The following MANBA variants were observed in gnomAD, a reference collection of about 807,000 sequenced individuals.
MANBA encodes mannosidase beta.
In MANBA, 83 loss-of-function variants were observed where a neutral mutation model predicts 111.1. That is an observed-to-expected ratio of 0.75 (90% confidence interval 0.63 to 0.90). The LOEUF (loss-of-function observed/expected upper bound fraction) is 0.90, where lower values mean the gene tolerates loss of function less well. Among genes scored for constraint, MANBA ranks in the 40% least tolerant of loss-of-function variants. The pLI is 0.00. For synonymous variants in MANBA, 370 were observed against 378.7 expected (o/e 0.98, Z 0.27); for missense variants, 1,036 against 1,069.0 (o/e 0.97, Z 0.43).
chr4:102,653,811 G>A (rs1003353032), intron 12 of MANBA, among the ~76,000 whole-genome samples: 4 of 152,260 alleles, frequency 2.6e-5, no homozygotes, highest in African/African-American at 7.2e-5. Context: ...TAAGGAAAAG[G>A]TTTAGCAATT....
intron 1 of MANBA, chr4:102,727,419 G>A: frequency 9.2e-7 from 1 of 1,091,168 alleles, no homozygotes; most frequent in Non-Finnish European, 1.4e-6. Context: ...TCCTGGAGAT[G>A]AGCTTGGTAT....
At chr4:102,758,735 G>A (rs1345185285) in intron 1 of MANBA, among the ~76,000 whole-genome samples, 3 of 151,830 alleles carry the variant, frequency 2.0e-5, no homozygotes, top group Non-Finnish European at 2.9e-5. Context: ...TAGAGACAGG[G>A]TCTCGCCAGT....
intron 2 of MANBA, among the ~76,000 whole-genome samples, chr4:102,725,038 G>C (rs1722740579): frequency 6.6e-6 from 1 of 152,128 alleles, no homozygotes; most frequent in Non-Finnish European, 1.5e-5. Context: ...AATCCAGAGG[G>C]ACAGAAAGTA....
intron 10 of MANBA, 124 bp downstream of exon 10, chr4:102,668,839 C>T: frequency 1.3e-6 from 1 of 758,976 alleles, no homozygotes; most frequent in East Asian, 2.8e-5. Context: ...TGTCAATTAC[C>T]TGGCTGTGTA....
chr4:102,691,792 G>A (rs1367133240), intron 5 of MANBA, among the ~76,000 whole-genome samples: 2 of 152,150 alleles, frequency 1.3e-5, no homozygotes, highest in Non-Finnish European at 2.9e-5. Context: ...ATAGGCATGA[G>A]CCACCATGCC....
At chr4:102,717,424 C>CT (rs1239871326) in intron 4 of MANBA, among the ~76,000 whole-genome samples, 3,391 of 134,432 alleles carry the variant, frequency 0.025, 126 homozygotes, top group African/African-American at 0.074. Context: ...CAGGCAGGAA[C>CT]TTTTTTTTTT....
intron 5 of MANBA, among the ~76,000 whole-genome samples, chr4:102,714,226 C>T (rs1303754718): frequency 1.3e-5 from 2 of 152,142 alleles, no homozygotes; most frequent in Non-Finnish European, 2.9e-5. Flanking sequence ...GTAAAATATG[C>T]TAAAAGATAC....
chr4:102,679,466 A>G (rs1399111180), intron 7 of MANBA: 3 of 152,176 alleles, frequency 2.0e-5, no homozygotes, highest in African/African-American at 7.2e-5. Context: ...AAGTAAAACA[A>G]ATATTAGCGT....
At chr4:102,752,824 A>G (rs1723861356) in intron 1 of MANBA, among the ~76,000 whole-genome samples, 1 of 152,230 alleles carries the variant, frequency 6.6e-6, no homozygotes, top group South Asian at 2.1e-4. Flanking sequence ...GTTTGTGTTT[A>G]TAAAATAAAA....
intron 4 of MANBA, among the ~76,000 whole-genome samples, chr4:102,718,558 A>C (rs971011543): frequency 6.6e-6 from 1 of 152,244 alleles, no homozygotes; most frequent in Non-Finnish European, 1.5e-5. Context: ...GGCATCAAAC[A>C]CTGGTAAGAG....
intron 12 of MANBA, chr4:102,650,966 T>C (rs1413313088): frequency 7.6e-6 from 3 of 396,106 alleles, no homozygotes; most frequent in Non-Finnish European, 1.4e-5. Flanking sequence ...GATGTTTCTC[T>C]TAAGACTCTT....
intron 13 of MANBA, among the ~76,000 whole-genome samples, chr4:102,646,079 G>A (rs1278715268): frequency 6.6e-6 from 1 of 152,094 alleles, no homozygotes; most frequent in Non-Finnish European, 1.5e-5. Context: ...AATGGAAAGA[G>A]TGATATGGGT....
At chr4:102,695,005 T>A (rs1352704152) in intron 5 of MANBA, among the ~76,000 whole-genome samples, 7 of 152,130 alleles carry the variant, frequency 4.6e-5, no homozygotes, top group Non-Finnish European at 1.0e-4. Flanking sequence ...CAGAGATGAC[T>A]CAGTGAGTGT....
At chr4:102,697,570 A>G (rs2110252136) in intron 5 of MANBA, among the ~76,000 whole-genome samples, 1 of 132,152 alleles carries the variant, frequency 7.6e-6, no homozygotes, top group East Asian at 2.3e-4. Context: ...ATGTGTTCTC[A>G]TTGTTCAATT....
chr4:102,679,021 C>T (rs1242502079), intron 7 of MANBA, among the ~76,000 whole-genome samples: 2 of 152,218 alleles, frequency 1.3e-5, no homozygotes, highest in Non-Finnish European at 2.9e-5. Flanking sequence ...GTCAAACCTG[C>T]TAAAATCCTT....
At chr4:102,675,007 T>C (rs1029551723) in intron 7 of MANBA, among the ~76,000 whole-genome samples, 1 of 152,224 alleles carries the variant, frequency 6.6e-6, no homozygotes, top group South Asian at 2.1e-4. Flanking sequence ...GAATTAACTT[T>C]ACAAGAAGAT....
At position 102,730,468 on chromosome 4, in the gene MANBA, C is replaced by T. The variant is rs145816116; in HGVS notation, c.178-3785G>A. On this transcript the variant is annotated intron_variant, in intron 1 of 16. Transcript: ENST00000647097. The stretch of plus-strand genomic sequence containing the variant: ...TTCGGGGTAAGGGTCAGCTGCACTG[C>T]GGGGGCGGTTCCTGGGGCAGCTCGT... 5.0e-3 allele frequency: 2,597 copies of T among 514,854 alleles called. 45 individuals are homozygous for T. Among genetic ancestry groups the T allele is most frequent in the African/African-American group, 0.04 (2,081 of 52,624 alleles). 31.9% of individuals were successfully genotyped at this position (514,854 alleles called of 1,614,324 possible).
chr4:102,721,253 G>A (rs1422042087), intron 4 of MANBA, among the ~76,000 whole-genome samples: 3 of 152,146 alleles, frequency 2.0e-5, no homozygotes, highest in Admixed American at 6.5e-5. Context: ...TAACACGGGA[G>A]GCGGAGGTTG....
At chr4:102,702,333 G>A (rs1035833754) in intron 5 of MANBA, among the ~76,000 whole-genome samples, 4 of 151,908 alleles carry the variant, frequency 2.6e-5, no homozygotes, top group South Asian at 2.1e-4. Context: ...TAGTTTGATC[G>A]CCTGAAGCCT....
Sources: gnomAD v4.1 joint callset for allele counts (sites outside exome capture counted in the v4.1 genomes callset) on GRCh38, gnomAD v4.1.1 for gene constraint, MANE v1.5 for transcripts, NCBI Gene and HGNC (gene_info 2026-07-23, HGNC 2026-07-21) for gene names.